Variants in CHLSN observed in about 807,000 individuals in gnomAD.
CHLSN encodes cholesin, also known as protein cholesin.
At chr7:1,107,688 T>C in the CHLSN span, among the ~76,000 whole-genome samples, 1 of 152,244 alleles carries the variant, frequency 6.6e-6, no homozygotes, top group Non-Finnish European at 1.5e-5. Flanking sequence ...AGTCTGCAAG[T>C]TCTTCCCTGA....
the CHLSN span, among the ~76,000 whole-genome samples, chr7:1,086,271 T>G: frequency 1.3e-5 from 2 of 152,228 alleles, no homozygotes; most frequent in Admixed American, 6.5e-5. Context: ...ATTTCAAGGT[T>G]TGAATTTTTA....
the CHLSN span, chr7:1,058,602 G>C: frequency 1.5e-6 from 1 of 648,244 alleles, no homozygotes; most frequent in Non-Finnish European, 2.8e-6. Context: ...CCTTCCAGAA[G>C]GAGACGAGCT....
At chr7:1,031,916 G>A in the CHLSN span, among the ~76,000 whole-genome samples, 10 of 152,090 alleles carry the variant, frequency 6.6e-5, no homozygotes, top group African/African-American at 2.2e-4. Flanking sequence ...GGAACGGGCC[G>A]AGAGTGCGGG....
At chr7:1,117,592 G>T in the CHLSN span, among the ~76,000 whole-genome samples, 2 of 126,790 alleles carry the variant, frequency 1.6e-5, no homozygotes, top group African/African-American at 3.2e-5. Context: ...CAGCTCTATG[G>T]ACCGGCTTCC....
At chr7:985,424 G>A in the CHLSN span, 58 of 1,312,868 alleles carry the variant, frequency 4.4e-5, no homozygotes, top group East Asian at 3.0e-4. Context: ...TCAGCTTCTC[G>A]GCCCTCCCAC....
At chr7:1,085,520 C>A in the CHLSN span, among the ~76,000 whole-genome samples, 1 of 152,176 alleles carries the variant, frequency 6.6e-6, no homozygotes, top group South Asian at 2.1e-4. Context: ...AGGAGGGTGA[C>A]CTAAGATCAA....
At chr7:1,005,500 G>C in the CHLSN span, among the ~76,000 whole-genome samples, 1 of 152,248 alleles carries the variant, frequency 6.6e-6, no homozygotes. Flanking sequence ...CGCGGACAGG[G>C]GCCGGGTCTC....
chr7:982,733 T>G, the CHLSN span, among the ~76,000 whole-genome samples: 4 of 152,196 alleles, frequency 2.6e-5, no homozygotes, highest in Non-Finnish European at 5.9e-5. Flanking sequence ...AAGAGCTGGG[T>G]GCACACGGAT....
At chr7:1,041,583 C>G in the CHLSN span, among the ~76,000 whole-genome samples, 1 of 152,192 alleles carries the variant, frequency 6.6e-6, no homozygotes, top group East Asian at 1.9e-4. Flanking sequence ...CTAAGGCTCA[C>G]TCTCATTTTA....
the CHLSN span, among the ~76,000 whole-genome samples, chr7:1,057,164 C>T: frequency 1.6e-4 from 24 of 152,234 alleles, no homozygotes; most frequent in African/African-American, 4.8e-4. Flanking sequence ...CTGTGCGGGG[C>T]CCGTCCAACC....
the CHLSN span, among the ~76,000 whole-genome samples, chr7:1,124,400 C>A: frequency 6.6e-6 from 1 of 151,680 alleles, no homozygotes; most frequent in South Asian, 2.1e-4. Flanking sequence ...GCCGCGCCCA[C>A]CAAAGTCGTG....
chr7:1,026,501 G>A, the CHLSN span: 4 of 152,228 alleles, frequency 2.6e-5, no homozygotes, highest in Non-Finnish European at 5.9e-5. Context: ...AGTCGGAGGC[G>A]GCGTTGTTTC....
the CHLSN span, chr7:1,076,110 CA>C: frequency 6.6e-6 from 1 of 152,534 alleles, no homozygotes; most frequent in Non-Finnish European, 1.5e-5. Flanking sequence ...AGCGCCTTGT[CA>C]AAAACCACAG....
the CHLSN span, among the ~76,000 whole-genome samples, chr7:1,073,667 C>T: frequency 6.6e-6 from 1 of 151,110 alleles, no homozygotes; most frequent in Non-Finnish European, 1.5e-5. Context: ...GACTCCGCAC[C>T]CCGCCGCCGT....
At chr7:1,059,901 G>A in the CHLSN span, among the ~76,000 whole-genome samples, 1 of 103,568 alleles carries the variant, frequency 9.7e-6, no homozygotes, top group Non-Finnish European at 2.1e-5. Flanking sequence ...GCGGGTCTTA[G>A]TGAGGCGGGT....
the CHLSN span, among the ~76,000 whole-genome samples, chr7:1,073,177 C>T: frequency 2.0e-5 from 3 of 151,880 alleles, no homozygotes; most frequent in African/African-American, 7.3e-5. Flanking sequence ...GCTCCTCTGG[C>T]CTCTTTCTCA....
At chr7:987,325 A>G in the CHLSN span, 72 of 1,552,534 alleles carry the variant, frequency 4.6e-5, no homozygotes, top group African/African-American at 1.5e-4. Flanking sequence ...CTGCCACCCA[A>G]GCGGCCCACC....
the CHLSN span, chr7:1,057,919 G>A: frequency 1.7e-3 from 1,311 of 774,898 alleles, 11 homozygotes; most frequent in Middle Eastern, 6.5e-3. Context: ...GCACTGCCGC[G>A]GACCTACATG....
At chr7:1,010,519 G>A in the CHLSN span, among the ~76,000 whole-genome samples, 1 of 152,164 alleles carries the variant, frequency 6.6e-6, no homozygotes, top group African/African-American at 2.4e-5. Context: ...GTGTGCTGGT[G>A]TCTGTTATCA....
Sources: gnomAD v4.1 joint callset for allele counts (sites outside exome capture counted in the v4.1 genomes callset) on GRCh38, gnomAD v4.1.1 for gene constraint, MANE v1.5 for transcripts, NCBI Gene and HGNC (gene_info 2026-07-23, HGNC 2026-07-21) for gene names.